The following MOB3B variants were observed in gnomAD, a reference collection of about 807,000 sequenced individuals.
MOB3B encodes MOB kinase activator 3B, also known as MOB kinase activator-like 2B.
MOB3B carries 7 observed loss-of-function variants against 18.7 expected under a neutral mutation model. The ratio of observed to expected loss-of-function variants is 0.37; its 90% CI spans 0.21 to 0.70. MOB3B has a LOEUF of 0.70. Ranked by LOEUF, MOB3B falls within the 30% of genes least tolerant of loss-of-function variation. The pLI is 0.52. For synonymous variants in MOB3B, 111 were observed against 99.9 expected, an observed-to-expected ratio of 1.11 and a Z score of -0.66; for missense variants, 253 against 281.3, an observed-to-expected ratio of 0.90 and a Z score of 0.72.
intron 3 of MOB3B, among the ~76,000 whole-genome samples, chr9:27,334,144 A>G (rs1820829847): frequency 6.6e-6 from 1 of 152,236 alleles, no homozygotes; most frequent in Non-Finnish European, 1.5e-5. Context: ...TTAATGTATG[A>G]TGCATATTTT....
rs796626363 is a variant in MOB3B, at chr9:27,343,773, A to G, written c.622-13157T>C. Reference sequence around the variant, plus strand: ...TGTTACACTGCGGTTTGCTCTCAATATAAGAGGGAAATTGTGGAATGCATT... The same window carrying G: ...TGTTACACTGCGGTTTGCTCTCAATGTAAGAGGGAAATTGTGGAATGCATT... On this transcript the variant is annotated intron_variant, in intron 3 of 3. Transcript: ENST00000262244. Among the ~76,000 whole-genome samples, 120 of 146,700 alleles carry G rather than the reference A, an allele frequency of 8.2e-4. 2 individuals carry two copies. Among genetic ancestry groups the G allele is most frequent in the African/African-American group, 3.0e-3 (116 of 39,256 alleles).
At chr9:27,456,269 G>A (rs1258235802) in intron 1 of MOB3B, among the ~76,000 whole-genome samples, 3 of 152,230 alleles carry the variant, frequency 2.0e-5, no homozygotes, top group African/African-American at 4.8e-5. Flanking sequence ...GGCATTGGGT[G>A]AGAAGTGATG....
At chr9:27,445,876 G>C (rs563095320) in intron 2 of MOB3B, among the ~76,000 whole-genome samples, 1 of 152,074 alleles carries the variant, frequency 6.6e-6, no homozygotes, top group African/African-American at 2.4e-5. Context: ...CAGGGGGTGG[G>C]CAACACAATG....
rs200741096 is a variant in MOB3B at position 27,523,189 on chromosome 9, A to T, written c.-199+6366T>A. On this transcript the variant is annotated intron_variant, in intron 1 of 3. Transcript: ENST00000262244. ...GACAATCCATTTTATTTTCCTGGAG[A>T]AAAGAATCCATTTGCTTTAACCATA... Among the ~76,000 whole-genome samples, 27 of 152,196 alleles carry T rather than the reference A, an allele frequency of 1.8e-4. No individual in the cohort carries two copies. In the East Asian group the frequency reaches 4.4e-3, roughly 25 times the overall value.
At chr9:27,353,615 A>G (rs965500442) in intron 3 of MOB3B, among the ~76,000 whole-genome samples, 2 of 152,130 alleles carry the variant, frequency 1.3e-5, no homozygotes, top group Admixed American at 1.3e-4. Flanking sequence ...AAGGTCCTGG[A>G]CCAAGGTCAC....
At chr9:27,444,161 A>G (rs1402860699) in intron 2 of MOB3B, among the ~76,000 whole-genome samples, 2 of 149,140 alleles carry the variant, frequency 1.3e-5, no homozygotes, top group African/African-American at 4.9e-5. Flanking sequence ...GAAAGAAGGA[A>G]GGAAGGAAGG....
chr9:27,365,226 A>C (rs894582460), intron 2 of MOB3B, among the ~76,000 whole-genome samples: 3 of 151,554 alleles, frequency 2.0e-5, no homozygotes, highest in Admixed American at 6.6e-5. Flanking sequence ...TGATATATAT[A>C]GTCCTGGCAT....
chr9:27,346,560 C>T (rs1314130437), intron 3 of MOB3B, among the ~76,000 whole-genome samples: 1 of 152,142 alleles, frequency 6.6e-6, no homozygotes, highest in Non-Finnish European at 1.5e-5. Flanking sequence ...AAAGTCTTCC[C>T]TATTATTATA....
At chr9:27,465,994 C>A (rs1819377586) in intron 1 of MOB3B, among the ~76,000 whole-genome samples, 1 of 152,216 alleles carries the variant, frequency 6.6e-6, no homozygotes, top group African/African-American at 2.4e-5. Context: ...ACATTTTCCC[C>A]ATGGTCTTAG....
In MOB3B at chr9:27,438,289, C is replaced by T. The variant is rs181743631; in HGVS notation, c.418+16844G>A. On this transcript the variant is annotated intron_variant, in intron 2 of 3. Coordinates refer to ENST00000262244, the MANE Select transcript of MOB3B (RefSeq NM_024761.5). ...AGCTGGAAGGTAACTGGATTCAAAG[C>T]CCTGTTCCTACCCAGGTCTGGGAGC... Among the ~76,000 whole-genome samples the T allele has an allele frequency of 4.6e-5, 7 of 152,304 alleles. No individual in the cohort carries two copies. In the East Asian group the frequency reaches 9.6e-4, roughly 21 times the overall value.
intron 3 of MOB3B, among the ~76,000 whole-genome samples, chr9:27,352,371 CAAAA>C (rs372959856): frequency 4.4e-5 from 3 of 68,328 alleles, no homozygotes; most frequent in African/African-American, 4.7e-5. Flanking sequence ...GACCCTGTCT[CAAAA>C]AAAAAAAAAA....
At chr9:27,515,897 A>G (rs1820225030) in intron 1 of MOB3B, among the ~76,000 whole-genome samples, 1 of 152,218 alleles carries the variant, frequency 6.6e-6, no homozygotes, top group African/African-American at 2.4e-5. Context: ...TTATTTGGAA[A>G]CAAAAGACTT....
chr9:27,392,467 T>C (rs1035878744), intron 2 of MOB3B, among the ~76,000 whole-genome samples: 4 of 152,116 alleles, frequency 2.6e-5, no homozygotes, highest in African/African-American at 9.7e-5. Context: ...GGGATCAACA[T>C]AAAGTCGCCT....
At chr9:27,505,820 G>T (rs1219242350) in intron 1 of MOB3B, among the ~76,000 whole-genome samples, 2 of 152,150 alleles carry the variant, frequency 1.3e-5, no homozygotes, top group Non-Finnish European at 2.9e-5. Context: ...ACATTCTTCA[G>T]GTGTCTCAGC....
chr9:27,367,678 A>C (rs1821358415), intron 2 of MOB3B, among the ~76,000 whole-genome samples: 1 of 152,222 alleles, frequency 6.6e-6, no homozygotes, highest in Admixed American at 6.5e-5. Flanking sequence ...CGATGTTACC[A>C]ACGCTAGGAA....
intron 3 of MOB3B, among the ~76,000 whole-genome samples, chr9:27,339,854 G>A (rs530166537): frequency 1.5e-4 from 23 of 152,340 alleles, no homozygotes; most frequent in African/African-American, 5.3e-4. Flanking sequence ...CGGCTGGCAG[G>A]ACCGTTCCCA....
At chr9:27,501,936 G>A (rs1819998660) in intron 1 of MOB3B, among the ~76,000 whole-genome samples, 1 of 152,114 alleles carries the variant, frequency 6.6e-6, no homozygotes, top group African/African-American at 2.4e-5. Flanking sequence ...TACAGTTCAA[G>A]TTTTACCTGT....
chr9:27,405,360 C>T (rs1012983927), intron 2 of MOB3B, among the ~76,000 whole-genome samples: 2 of 152,072 alleles, frequency 1.3e-5, no homozygotes, highest in Admixed American at 6.5e-5. Flanking sequence ...CCTGCCTTGG[C>T]CTCCCAAAGT....
At chr9:27,458,545 A>G (rs1046000554) in intron 1 of MOB3B, among the ~76,000 whole-genome samples, 3 of 141,324 alleles carry the variant, frequency 2.1e-5, no homozygotes, top group African/African-American at 5.2e-5. Context: ...AGACAGGAAG[A>G]TCACCTGAAC....
Sources: allele counts gnomAD v4.1 joint callset (sites outside exome capture counted in the v4.1 genomes callset), GRCh38; gene constraint gnomAD v4.1.1; transcripts MANE v1.5; gene names NCBI Gene and HGNC (gene_info 2026-07-23, HGNC 2026-07-21).